Variants in SPIDR observed in about 807,000 individuals in gnomAD.
The protein encoded by SPIDR is DNA repair-scaffolding protein.
Under a neutral mutation model 104.6 loss-of-function variants are expected in SPIDR, and 93 were observed. The ratio of observed to expected loss-of-function variants is 0.89; its 90% confidence interval spans 0.75 to 1.06. SPIDR has a LOEUF of 1.06. Ranked by LOEUF, SPIDR falls within the 50% of genes least tolerant of loss-of-function variation. SPIDR has a pLI of 0.00. For missense variants in SPIDR, 1,154 were observed against 1,111.2 expected, an observed-to-expected ratio of 1.04 and a Z score of -0.55; for synonymous variants, 431 against 416.9, an observed-to-expected ratio of 1.03 and a Z score of -0.41.
rs138509097 is a variant in SPIDR at position 47,433,785 on chromosome 8, T to C, written c.878-6538T>C. ...TTAACTCTTGGAGTCAGACTATGGC[T>C]GGAGCATGGAGATTTGGCATAGGTT... On this transcript the variant is annotated intron_variant, in intron 7 of 19. Transcript: ENST00000297423. Among the ~76,000 whole-genome samples, 493 of 152,362 alleles carry C rather than the reference T, an allele frequency of 3.2e-3. 5 individuals are homozygous for C. Among genetic ancestry groups the C allele is most frequent in the South Asian group, 2.5e-3 (12 of 4,832 alleles).
intron 11 of SPIDR, among the ~76,000 whole-genome samples, chr8:47,696,096 A>C (rs1482766368): frequency 1.3e-5 from 2 of 152,214 alleles, no homozygotes; most frequent in Non-Finnish European, 2.9e-5. Context: ...AGTTATCTGC[A>C]CCTTACTCAT....
chr8:47,411,828 T>A (rs1554671836), intron 7 of SPIDR, among the ~76,000 whole-genome samples: 3 of 152,248 alleles, frequency 2.0e-5, no homozygotes, highest in African/African-American at 7.2e-5. Context: ...AATTAATTTT[T>A]GTATAAGGTG....
At chr8:47,408,357 C>T (rs552381297) in intron 7 of SPIDR, among the ~76,000 whole-genome samples, 2 of 152,282 alleles carry the variant, frequency 1.3e-5, no homozygotes, top group Non-Finnish European at 2.9e-5. Flanking sequence ...CTCTTGGGCT[C>T]AAGCAAATTC....
intron 16 of SPIDR, among the ~76,000 whole-genome samples, chr8:47,723,579 G>A (rs1231524497): frequency 6.6e-6 from 1 of 151,806 alleles, no homozygotes; most frequent in Non-Finnish European, 1.5e-5. Flanking sequence ...ACAGGCACCC[G>A]CCACCATGCC....
intron 11 of SPIDR, among the ~76,000 whole-genome samples, chr8:47,685,288 T>C (rs2154477223): frequency 6.6e-6 from 1 of 152,210 alleles, no homozygotes; most frequent in Admixed American, 6.5e-5. Flanking sequence ...CACTTATCCC[T>C]CCAGGTTAGT....
intron 7 of SPIDR, among the ~76,000 whole-genome samples, chr8:47,423,790 T>C (rs2065967290): frequency 6.6e-6 from 1 of 152,096 alleles, no homozygotes; most frequent in Non-Finnish European, 1.5e-5. Flanking sequence ...CACTTTAAAA[T>C]GTAGCTGTGG....
At chr8:47,603,665 T>G (rs980255503) in intron 10 of SPIDR, among the ~76,000 whole-genome samples, 10 of 152,004 alleles carry the variant, frequency 6.6e-5, no homozygotes, top group Non-Finnish European at 1.3e-4. Context: ...TCCAAAGTAC[T>G]AGGACTACAG....
chr8:47,652,728 A>C (rs949351486), intron 10 of SPIDR, among the ~76,000 whole-genome samples: 6 of 152,236 alleles, frequency 3.9e-5, no homozygotes, highest in African/African-American at 1.4e-4. Context: ...CCTTGTATGT[A>C]TGCATTTGCC....
At chr8:47,509,656 C>T (rs1275483647) in intron 8 of SPIDR, among the ~76,000 whole-genome samples, 1 of 152,168 alleles carries the variant, frequency 6.6e-6, no homozygotes, top group African/African-American at 2.4e-5. Flanking sequence ...CATTTATTTT[C>T]TTACTTCCTC....
chr8:47,281,270 C>G (rs1381803915), intron 2 of SPIDR, among the ~76,000 whole-genome samples: 1 of 152,104 alleles, frequency 6.6e-6, no homozygotes, highest in Non-Finnish European at 1.5e-5. Flanking sequence ...GCTGACTGAT[C>G]AGATGGTTGG....
At chr8:47,328,042 C>T (rs1274307110) in intron 5 of SPIDR, among the ~76,000 whole-genome samples, 1 of 142,192 alleles carries the variant, frequency 7.0e-6, no homozygotes, top group Non-Finnish European at 1.5e-5. Flanking sequence ...TGACAATATT[C>T]TTGGATGCAC....
intron 5 of SPIDR, among the ~76,000 whole-genome samples, chr8:47,317,314 C>T (rs2045564144): frequency 6.6e-6 from 1 of 152,312 alleles, no homozygotes; most frequent in Non-Finnish European, 1.5e-5. Context: ...TATCCCACGC[C>T]TGGCTCGGAG....
At chr8:47,393,638 T>TTCTTTTC (rs782016959) in intron 5 of SPIDR, among the ~76,000 whole-genome samples, 1 of 151,862 alleles carries the variant, frequency 6.6e-6, no homozygotes, top group African/African-American at 2.4e-5. Context: ...TTTTTTTCTT[T>TTCTTTTC]TCTTTTCTCT....
intron 5 of SPIDR, among the ~76,000 whole-genome samples, chr8:47,338,509 C>T (rs1344554384): frequency 3.9e-5 from 6 of 152,090 alleles, no homozygotes; most frequent in Admixed American, 6.5e-5. Flanking sequence ...GTCATGGGAG[C>T]CATGGCATTG....
At chr8:47,374,661 C>T (rs1563777083) in intron 5 of SPIDR, among the ~76,000 whole-genome samples, 1 of 152,114 alleles carries the variant, frequency 6.6e-6, no homozygotes, top group South Asian at 2.1e-4. Context: ...TCATTTTTAG[C>T]TAAGTTTTAA....
chr8:47,477,426 C>T (rs188416151), intron 8 of SPIDR, among the ~76,000 whole-genome samples: 281 of 152,276 alleles, frequency 1.8e-3, no homozygotes, highest in African/African-American at 6.6e-3. Flanking sequence ...GAACTCCTGG[C>T]CTCAAGTGAT....
intron 10 of SPIDR, among the ~76,000 whole-genome samples, chr8:47,624,721 G>T (rs1326969156): frequency 6.6e-6 from 1 of 152,068 alleles, no homozygotes; most frequent in African/African-American, 2.4e-5. Context: ...CCAATAACAG[G>T]CTCTGAAATT....
chr8:47,452,662 A>AC (rs545525348), intron 8 of SPIDR, among the ~76,000 whole-genome samples: 142 of 152,256 alleles, frequency 9.3e-4, no homozygotes, highest in African/African-American at 3.3e-3. Context: ...AAATTCAACA[A>AC]CCTTCATGCT....
chr8:47,279,594 C>T (rs1211211223), intron 1 of SPIDR, among the ~76,000 whole-genome samples: 2 of 152,166 alleles, frequency 1.3e-5, no homozygotes, highest in Non-Finnish European at 2.9e-5. Context: ...TCTTTCCTTT[C>T]AGGTACTGAT....
Sources: allele counts gnomAD v4.1 joint callset (sites outside exome capture counted in the v4.1 genomes callset), GRCh38; gene constraint gnomAD v4.1.1; transcripts MANE v1.5; gene names NCBI Gene and HGNC (gene_info 2026-07-23, HGNC 2026-07-21).